CNTNAP5: variants seen among roughly 807,000 people sequenced by gnomAD.
CNTNAP5 encodes contactin associated protein family member 5.
CNTNAP5 carries 72 observed loss-of-function variants against 150.2 expected under a neutral mutation model. That is an observed-to-expected ratio of 0.48 (90% CI 0.40 to 0.58). CNTNAP5 has a LOEUF of 0.58. Among genes scored for constraint, CNTNAP5 ranks in the 20% least tolerant of loss-of-function variants. The pLI, the probability that CNTNAP5 is intolerant of heterozygous loss-of-function variation, is 0.00. For missense variants in CNTNAP5, 1,636 were observed against 1,626.2 expected (o/e 1.01, Z -0.10); for synonymous variants, 672 against 619.8 (o/e 1.08, Z -1.25).
intron 1 of CNTNAP5, among the ~76,000 whole-genome samples, chr2:124,213,372 A>T (rs767635500): frequency 1.3e-5 from 2 of 152,214 alleles, no homozygotes; most frequent in Non-Finnish European, 2.9e-5. Context: ...AACTAGAATC[A>T]AATCGTGAGA....
intron 1 of CNTNAP5, 49 bp from the exon 2 acceptor site, chr2:124,221,656 C>T: frequency 8.6e-7 from 1 of 1,162,966 alleles, no homozygotes; most frequent in Admixed American, 1.9e-5. Context: ...TGGAATGTTT[C>T]TTGCTAATAG....
chr2:124,146,022 G>A (rs1296745897), intron 1 of CNTNAP5, among the ~76,000 whole-genome samples: 2 of 151,924 alleles, frequency 1.3e-5, no homozygotes, highest in African/African-American at 4.8e-5. Flanking sequence ...AGCATTTTGT[G>A]AGCAATATTT....
intron 13 of CNTNAP5, among the ~76,000 whole-genome samples, chr2:124,720,020 A>G (rs74772803): frequency 0.045 from 6,819 of 152,222 alleles, 540 homozygotes; most frequent in African/African-American, 0.16. Flanking sequence ...TTCTCTCAGA[A>G]TTGAACTAAG....
At chr2:124,331,840 A>G (rs1371865569) in intron 3 of CNTNAP5, among the ~76,000 whole-genome samples, 2 of 152,016 alleles carry the variant, frequency 1.3e-5, no homozygotes, top group Non-Finnish European at 2.9e-5. Flanking sequence ...TCTTTTTGTA[A>G]TTCACTCAAA....
At chr2:124,306,001 A>T (rs908601820) in intron 3 of CNTNAP5, among the ~76,000 whole-genome samples, 8 of 152,106 alleles carry the variant, frequency 5.3e-5, no homozygotes, top group Admixed American at 2.0e-4. Flanking sequence ...TTCCTACTCA[A>T]ACTAATTTCC....
intron 1 of CNTNAP5, among the ~76,000 whole-genome samples, chr2:124,194,830 A>G (rs776606469): frequency 6.6e-6 from 1 of 151,860 alleles, no homozygotes; most frequent in Non-Finnish European, 1.5e-5. Context: ...TCACACATTT[A>G]TCTTCTAAAA....
At chr2:124,890,106 A>G (rs1362915354) in intron 21 of CNTNAP5, among the ~76,000 whole-genome samples, 1 of 152,028 alleles carries the variant, frequency 6.6e-6, no homozygotes, top group East Asian at 1.9e-4. Flanking sequence ...AGGTGAGAAA[A>G]TCCATGTTCA....
intron 19 of CNTNAP5, 66 bp downstream of exon 19, chr2:124,798,386 C>T: frequency 1.8e-6 from 2 of 1,126,584 alleles, no homozygotes; most frequent in Non-Finnish European, 2.7e-6. Flanking sequence ...GCATGCCCTC[C>T]AGAACTCTGC....
At position 124,619,079 on chromosome 2, in the gene CNTNAP5, C is replaced by A. The variant is rs190488537; in HGVS notation, c.1876+9159C>A. The stretch of plus-strand genomic sequence containing the variant: ...GACATGCTTAAACGTAATATTTTGT[C>A]AAAAGGTAGTTCTCGGCTTCATACC... On this transcript the variant is annotated intron_variant, in intron 12 of 23. Transcript: ENST00000682447. Among the ~76,000 whole-genome samples the A allele has an allele frequency of 1.1e-4, 17 of 152,230 alleles. No individual in the cohort carries two copies. In the East Asian group the frequency reaches 2.9e-3, roughly 26 times the overall value.
At chr2:124,756,309 T>C (rs139271546) in intron 14 of CNTNAP5, among the ~76,000 whole-genome samples, 43 of 152,280 alleles carry the variant, frequency 2.8e-4, no homozygotes, top group African/African-American at 1.0e-3. Flanking sequence ...ACGTTTACAC[T>C]GTGGGTGGGA....
At chr2:124,384,145 T>G (rs2104741018) in intron 3 of CNTNAP5, among the ~76,000 whole-genome samples, 1 of 152,300 alleles carries the variant, frequency 6.6e-6, no homozygotes, top group South Asian at 2.1e-4. Flanking sequence ...AACCTGTATG[T>G]CCCTATGTGG....
chr2:124,346,669 G>A (rs1484259350), intron 3 of CNTNAP5, among the ~76,000 whole-genome samples: 1 of 152,062 alleles, frequency 6.6e-6, no homozygotes, highest in East Asian at 1.9e-4. Context: ...ACCAAGACCT[G>A]TTTTTAGTAG....
chr2:124,701,869 G>T (rs1265957960), intron 13 of CNTNAP5, among the ~76,000 whole-genome samples: 1 of 151,492 alleles, frequency 6.6e-6, no homozygotes, highest in Non-Finnish European at 1.5e-5. Context: ...TGAGTTATTT[G>T]TTTTTTCTTT....
chr2:124,713,289 CTTTCTTT>C (rs1558746779), intron 13 of CNTNAP5, among the ~76,000 whole-genome samples: 4 of 102,930 alleles, frequency 3.9e-5, no homozygotes, highest in Admixed American at 1.0e-4. Context: ...TTCTTTCTTT[CTTTCTTT>C]CTTTCTTCTT....
chr2:124,474,950 C>G (rs1693604630), intron 7 of CNTNAP5, 68 bp downstream of exon 7: 2 of 1,389,362 alleles, frequency 1.4e-6, no homozygotes, highest in African/African-American at 1.5e-5. Context: ...CTTTCACCAG[C>G]CCATTCCTGA....
At chr2:124,105,066 C>T (rs1297114488) in intron 1 of CNTNAP5, among the ~76,000 whole-genome samples, 1 of 128,594 alleles carries the variant, frequency 7.8e-6, no homozygotes, top group Non-Finnish European at 1.9e-5. Flanking sequence ...AAGACCTCCT[C>T]CCTCCTTTTT....
chr2:124,391,569 G>A (rs986039863), intron 3 of CNTNAP5, among the ~76,000 whole-genome samples: 2 of 152,158 alleles, frequency 1.3e-5, no homozygotes, highest in African/African-American at 4.8e-5. Context: ...CAGCCTCTGA[G>A]TCTTTTGTTT....
At chr2:124,658,802 A>G (rs1424360373) in intron 13 of CNTNAP5, among the ~76,000 whole-genome samples, 1 of 152,214 alleles carries the variant, frequency 6.6e-6, no homozygotes, top group Non-Finnish European at 1.5e-5. Context: ...AGATATGGAA[A>G]CGAAATTATA....
intron 19 of CNTNAP5, among the ~76,000 whole-genome samples, chr2:124,848,817 A>G (rs1351324282): frequency 6.6e-6 from 1 of 152,204 alleles, no homozygotes; most frequent in Non-Finnish European, 1.5e-5. Context: ...ATATCTATCC[A>G]GAACTTTTGC....
Sources: allele counts gnomAD v4.1 joint callset (sites outside exome capture counted in the v4.1 genomes callset), GRCh38; gene constraint gnomAD v4.1.1; transcripts MANE v1.5; gene names NCBI Gene and HGNC (gene_info 2026-07-23, HGNC 2026-07-21).